CPEB3: variants seen among roughly 807,000 people sequenced by gnomAD.
CPEB3 encodes cytoplasmic polyadenylation element-binding protein 3.
Under a neutral mutation model 67.2 loss-of-function variants are expected in CPEB3, and 20 were observed. The ratio of observed to expected loss-of-function variants is 0.30; its 90% CI spans 0.21 to 0.43. CPEB3 has a LOEUF of 0.43. CPEB3 is among the 20% of genes least tolerant of loss of function. The pLI is 1.00. For synonymous variants in CPEB3, 376 were observed against 393.1 expected (o/e 0.96, Z 0.51); for missense variants, 746 against 968.6 (o/e 0.77, Z 3.05).
chr10:92,119,017 C>G, intron 6 of CPEB3: 2 of 1,550,508 alleles, frequency 1.3e-6, no homozygotes, highest in East Asian at 4.5e-5. Flanking sequence ...TTGCACTCGT[C>G]TTCCCTCTCA....
intron 1 of CPEB3, among the ~76,000 whole-genome samples, chr10:92,267,675 A>G (rs1411524822): frequency 1.3e-5 from 2 of 152,208 alleles, no homozygotes; most frequent in Non-Finnish European, 1.5e-5. Context: ...GATGAGTGTG[A>G]TGATGGTGGC....
intron 6 of CPEB3, 89 bp from the exon 7 acceptor site, chr10:92,111,283 G>T: frequency 1.1e-6 from 1 of 922,600 alleles, no homozygotes; most frequent in South Asian, 1.4e-5. Context: ...GTTTCATTTT[G>T]GCAAATTCTT....
chr10:92,080,579 A>G (rs1419214709), intron 9 of CPEB3, among the ~76,000 whole-genome samples: 2 of 151,926 alleles, frequency 1.3e-5, no homozygotes, highest in Non-Finnish European at 2.9e-5. Flanking sequence ...GATTGCCACA[A>G]TGTATGATCT....
rs1472333193 is a variant in CPEB3, at chr10:92,121,399, TAGAGAGAC to T, written c.1454-10213_1454-10206del. Among the ~76,000 whole-genome samples the T allele has an allele frequency of 1.1e-4, 14 of 132,024 alleles. No homozygotes were observed. The East Asian group carries it at 2.5e-3, about 23-fold the overall frequency. The allele number at this position is 132,024 out of a possible 152,430, so 86.6% of individuals were successfully genotyped here. On this transcript the variant is annotated intron_variant, in intron 6 of 9. Coordinates refer to ENST00000265997, the MANE Select transcript of CPEB3 (RefSeq NM_014912.5). ...TATATAATATATTATATATATATAA[TAGAGAGAC>T]AGCGCGTGAGCGAGCATGCACGCAA...
chr10:92,164,150 G>A (rs1334632486), intron 4 of CPEB3, among the ~76,000 whole-genome samples: 1 of 152,082 alleles, frequency 6.6e-6, no homozygotes, highest in Non-Finnish European at 1.5e-5. Flanking sequence ...GTACTTGTAC[G>A]TCTTCTAATC....
At position 92,240,050 on chromosome 10, in the gene CPEB3, C is replaced by A. The variant is rs372934375; in HGVS notation, c.301G>T (p.Ala101Ser). 97 of 1,594,482 alleles carry A rather than the reference C, an allele frequency of 6.1e-5. No homozygotes were observed. The highest frequency in any genetic ancestry group is 1.1e-5 in the Non-Finnish European group (13 of 1,170,930). The change falls in exon 2 of 10, where the codon GCG becomes TCG. Residue 101 changes from alanine (A) to serine (S), a missense_variant. Physicochemically the swap from Ala to Ser is moderately conservative, Grantham distance 99 (BLOSUM62 1). Around this residue, in one of 2 missense-constraint regions of CPEB3, gnomAD observed 643 missense variants for 717.5 expected, o/e 0.90. Coordinates refer to ENST00000265997, the MANE Select transcript of CPEB3 (RefSeq NM_014912.5). ...PPPQEPAAPG[A>S]SLSPSFGSTW... Reference sequence around the variant, plus strand: ...CTGCCGAAGGACGGCGACAGCGACGCGCCCGGTGCCGCGGGCTCCTGAGGC... The same window carrying A: ...CTGCCGAAGGACGGCGACAGCGACGAGCCCGGTGCCGCGGGCTCCTGAGGC...
At chr10:92,281,052 G>A (rs940243197) in intron 1 of CPEB3, among the ~76,000 whole-genome samples, 2 of 151,886 alleles carry the variant, frequency 1.3e-5, no homozygotes, top group Admixed American at 6.6e-5. Context: ...GAACCACCAC[G>A]CCCGGCGATG....
chr10:92,224,549 A>G (rs1850867921), intron 2 of CPEB3, among the ~76,000 whole-genome samples: 1 of 151,856 alleles, frequency 6.6e-6, no homozygotes, highest in South Asian at 2.1e-4. Context: ...TACACAACCT[A>G]GTCCCTCTGC....
intron 4 of CPEB3, among the ~76,000 whole-genome samples, chr10:92,160,485 A>C (rs1341511241): frequency 6.6e-6 from 1 of 152,146 alleles, no homozygotes; most frequent in Non-Finnish European, 1.5e-5. Context: ...AGATGAAATA[A>C]ATTTTGACAT....
chr10:92,243,676 G>A (rs925984788), intron 1 of CPEB3, among the ~76,000 whole-genome samples: 3 of 152,164 alleles, frequency 2.0e-5, no homozygotes, highest in Non-Finnish European at 2.9e-5. Context: ...ACTGGAGAAT[G>A]TTAGATACTT....
At chr10:92,189,477 T>C (rs369811085) in intron 3 of CPEB3, among the ~76,000 whole-genome samples, 2 of 152,178 alleles carry the variant, frequency 1.3e-5, no homozygotes, top group African/African-American at 4.8e-5. Context: ...AAGTAGGGAA[T>C]TTATTTTAAC....
intron 2 of CPEB3, among the ~76,000 whole-genome samples, chr10:92,198,544 T>C (rs578093775): frequency 6.6e-6 from 1 of 152,344 alleles, no homozygotes; most frequent in South Asian, 2.1e-4. Flanking sequence ...TTCTAGCTTA[T>C]ACCTAGACAT....
At chr10:92,198,721 C>T (rs1045860691) in intron 2 of CPEB3, among the ~76,000 whole-genome samples, 7 of 152,212 alleles carry the variant, frequency 4.6e-5, no homozygotes, top group African/African-American at 1.7e-4. Flanking sequence ...TAGGTATTAT[C>T]TCCATTTCAC....
chr10:92,209,071 C>T (rs1026614420), intron 2 of CPEB3, among the ~76,000 whole-genome samples: 1 of 152,124 alleles, frequency 6.6e-6, no homozygotes, highest in African/African-American at 2.4e-5. Flanking sequence ...TATTAAAGTT[C>T]CCAGTAAACA....
At chr10:92,097,150 T>C (rs977132296) in intron 7 of CPEB3, among the ~76,000 whole-genome samples, 31 of 151,240 alleles carry the variant, frequency 2.0e-4, no homozygotes, top group African/African-American at 7.5e-4. Flanking sequence ...CAGCAAGTAG[T>C]TACCACTTGC....
chr10:92,172,594 A>G (rs1303865339), intron 4 of CPEB3, among the ~76,000 whole-genome samples: 1 of 152,228 alleles, frequency 6.6e-6, no homozygotes, highest in East Asian at 1.9e-4. Context: ...TAAACCTTAT[A>G]CAGCTATTTG....
chr10:92,114,624 A>G lies in CPEB3; in HGVS notation c.1454-3430T>C, dbSNP rs190685665. 5.7e-4 allele frequency among the ~76,000 whole-genome samples: 87 copies of G among 152,356 alleles called. No homozygotes were observed. The Middle Eastern group carries it at 0.01, about 18-fold the overall frequency. On this transcript the variant is annotated intron_variant, in intron 6 of 9. Transcript: ENST00000265997. ...TGCCTTGTGGACATTAACTCATTTC[A>G]TCTTCACACACACCCTATGTGGTAA...
intron 1 of CPEB3, among the ~76,000 whole-genome samples, chr10:92,289,906 G>A (rs1477468246): frequency 8.0e-6 from 1 of 125,306 alleles, no homozygotes; most frequent in Non-Finnish European, 1.5e-5. Flanking sequence ...TCCCTAGGAG[G>A]AGTGTGTGTG....
At chr10:92,218,076 C>T (rs908313453) in intron 2 of CPEB3, among the ~76,000 whole-genome samples, 2 of 152,112 alleles carry the variant, frequency 1.3e-5, no homozygotes, top group South Asian at 2.1e-4. Context: ...CACATCAGTA[C>T]GCTGCAGCCT....
Sources: gnomAD v4.1 joint callset for allele counts (sites outside exome capture counted in the v4.1 genomes callset) on GRCh38, gnomAD v4.1.1 for gene constraint, gnomAD v4.1.1 regional missense constraint, MANE v1.5 for transcripts, NCBI Gene and HGNC (gene_info 2026-07-23, HGNC 2026-07-21) for gene names.